Variants in LMNB1 observed in about 807,000 individuals in gnomAD.
The protein encoded by LMNB1 is lamin-B1.
In LMNB1, 23 loss-of-function variants were observed where a neutral mutation model predicts 67.1. The observed-to-expected ratio is 0.34, with a 90% CI of 0.25 to 0.49. The LOEUF (loss-of-function observed/expected upper bound fraction) is 0.49. Among genes scored for constraint, LMNB1 ranks in the 20% least tolerant of loss-of-function variants. LMNB1 has a pLI of 0.99. For synonymous variants in LMNB1, 281 were observed against 282.9 expected (o/e 0.99, Z 0.07); for missense variants, 634 against 746.5 (o/e 0.85, Z 1.76).
Position 126,825,983 on chromosome 5 carries a change from T to C in LMNB1, c.1492-5T>C. 1.2e-6 allele frequency: 2 copies of C among 1,613,626 alleles called. No individual in the cohort carries two copies. The highest frequency in any genetic ancestry group is 1.7e-6 in the Non-Finnish European group (2 of 1,179,834). On this transcript the variant is annotated splice_region_variant and splice_polypyrimidine_tract_variant and intron_variant, in intron 8 of 10. Coordinates refer to ENST00000261366, the MANE Select transcript of LMNB1 (RefSeq NM_005573.4). ...GGTGTACTGACATGCTTTGGTTTTTTACAGATTTGGGCTGCAAACGCTGGT... is the reference window on the plus strand; with the variant it reads ...GGTGTACTGACATGCTTTGGTTTTTCACAGATTTGGGCTGCAAACGCTGGT...
intron 9 of LMNB1, among the ~76,000 whole-genome samples, chr5:126,830,055 A>G (rs1752097714): frequency 6.6e-6 from 1 of 152,264 alleles, no homozygotes; most frequent in Non-Finnish European, 1.5e-5. Context: ...ATATGTAGAG[A>G]TGCAATATAT....
intron 8 of LMNB1, among the ~76,000 whole-genome samples, chr5:126,823,543 AAT>A (rs1561752806): frequency 6.6e-6 from 1 of 152,218 alleles, no homozygotes; most frequent in Non-Finnish European, 1.5e-5. Context: ...CTAACAATAA[AAT>A]ATGTTAACTT....
intron 1 of LMNB1, among the ~76,000 whole-genome samples, chr5:126,787,591 C>T (rs1472739815): frequency 8.9e-6 from 1 of 112,876 alleles, no homozygotes; most frequent in Non-Finnish European, 1.7e-5. Flanking sequence ...CCTGTTGTTG[C>T]CCAGGCTGGA....
intron 1 of LMNB1, among the ~76,000 whole-genome samples, chr5:126,789,009 C>T (rs1001457729): frequency 6.6e-6 from 1 of 151,848 alleles, no homozygotes; most frequent in Non-Finnish European, 1.5e-5. Context: ...GATCCTCCCA[C>T]CTCAGCCTCT....
At chr5:126,809,525 A>G (rs1323399646) in intron 3 of LMNB1, among the ~76,000 whole-genome samples, 2 of 152,120 alleles carry the variant, frequency 1.3e-5, no homozygotes, top group Admixed American at 6.5e-5. Flanking sequence ...CATCTCTACT[A>G]AAAATACAAA....
At chr5:126,787,533 TATATA>T (rs1252895483) in intron 1 of LMNB1, among the ~76,000 whole-genome samples, 8 of 100,218 alleles carry the variant, frequency 8.0e-5, no homozygotes, top group South Asian at 3.3e-4. Context: ...GGTATATATA[TATATA>T]TATATATATT....
chr5:126,832,642 G>A (rs962421766), intron 9 of LMNB1, 52 bp from the exon 10 acceptor site: 36 of 1,297,706 alleles, frequency 2.8e-5, no homozygotes, highest in Non-Finnish European at 3.5e-5. Context: ...CCTCTCCCCC[G>A]CATTTGGTGA....
At chr5:126,823,279 A>C (rs1049581149) in intron 8 of LMNB1, among the ~76,000 whole-genome samples, 2 of 152,178 alleles carry the variant, frequency 1.3e-5, no homozygotes, top group Non-Finnish European at 2.9e-5. Flanking sequence ...TTCAGGCCCT[A>C]CTTCACCCTT....
At chr5:126,801,473 G>A (rs1751285640) in intron 1 of LMNB1, among the ~76,000 whole-genome samples, 1 of 152,054 alleles carries the variant, frequency 6.6e-6, no homozygotes, top group African/African-American at 2.4e-5. Flanking sequence ...TTTTATGGAA[G>A]AAATCACCAT....
rs769694256 is a variant in LMNB1, at chr5:126,820,941, G to C, written c.1192G>C (p.Val398Leu). 2 of 1,613,788 alleles carry C rather than the reference G, an allele frequency of 1.2e-6. No homozygotes were observed. The highest frequency in any genetic ancestry group is 2.2e-5 in the South Asian group (2 of 91,062). ...LKLSPSPSSRVTVSRASSSRS... is the reference protein window; with the variant it reads ...LKLSPSPSSRLTVSRASSSRS... Reference sequence around the variant, plus strand: ...GCTGTCTCCAAGCCCTTCTTCCCGTGTGACAGTATCCCGAGCATCCTCAAG... The same window carrying C: ...GCTGTCTCCAAGCCCTTCTTCCCGTCTGACAGTATCCCGAGCATCCTCAAG... The change falls in exon 7 of 11, where the codon GTG becomes CTG. Residue 398 changes from valine (V) to leucine (L), a missense_variant. Transcript: ENST00000261366.
intron 10 of LMNB1, among the ~76,000 whole-genome samples, chr5:126,833,707 T>G (rs1221559833): frequency 3.9e-5 from 6 of 152,170 alleles, no homozygotes; most frequent in Admixed American, 1.3e-4. Flanking sequence ...TTACTAGAAG[T>G]AAAATAATTA....
At chr5:126,821,206 C>T in intron 7 of LMNB1, 71 bp downstream of exon 7, 1 of 994,168 alleles carries the variant, frequency 1.0e-6, no homozygotes, top group South Asian at 1.3e-5. Flanking sequence ...ATTGTCATAG[C>T]TCCTTAGTTT....
At chr5:126,806,640 G>T (rs376387235) in intron 3 of LMNB1, among the ~76,000 whole-genome samples, 4 of 152,086 alleles carry the variant, frequency 2.6e-5, no homozygotes, top group Non-Finnish European at 5.9e-5. Context: ...ACGAGAACAT[G>T]AATACATGCT....
At chr5:126,779,890 G>T (rs1750581185) in intron 1 of LMNB1, among the ~76,000 whole-genome samples, 1 of 152,222 alleles carries the variant, frequency 6.6e-6, no homozygotes, top group South Asian at 2.1e-4. Context: ...AAATTATCCA[G>T]ACGTGGTGGC....
upstream of LMNB1, chr5:126,777,127 C>A (rs886059856): frequency 5.9e-6 from 1 of 169,520 alleles, no homozygotes; most frequent in African/African-American, 2.4e-5. Flanking sequence ...CCTCCTCCCC[C>A]CGCCCGCCGC....
At position 126,797,906 on chromosome 5, in the gene LMNB1, T is replaced by C. The variant is rs182206602; in HGVS notation, c.360-6870T>C. ...GCCGGGGCAACATAGGAAAACCCTG[T>C]CTTCCCATCTGCCCCAGCAAAATAC... On this transcript the variant is annotated intron_variant, in intron 1 of 10. Coordinates refer to ENST00000261366, the MANE Select transcript of LMNB1 (RefSeq NM_005573.4). Among the ~76,000 whole-genome samples the C allele has an allele frequency of 5.3e-5, 8 of 152,114 alleles. No homozygotes were observed. In the East Asian group the frequency reaches 1.6e-3, roughly 29 times the overall value.
Position 126,804,859 on chromosome 5 carries a change from C to T in LMNB1, c.443C>T (p.Ala148Val), listed in dbSNP as rs1310980165. ...YEAALNSKDA[A>V]LATALGDKKS... is the part of the protein sequence containing the mutation. ...GCAGCACTGAATTCGAAAGATGCAGCTCTTGCTACTGCACTTGGTGACAAA... is the reference window on the plus strand; with the variant it reads ...GCAGCACTGAATTCGAAAGATGCAGTTCTTGCTACTGCACTTGGTGACAAA... Residue 148 changes from alanine (A) to valine (V), a missense_variant, in exon 2 of 11, where the codon GCT (alanine) becomes GTT (valine). Coordinates refer to ENST00000261366, the MANE Select transcript of LMNB1 (RefSeq NM_005573.4). 3.7e-6 allele frequency: 6 copies of T among 1,613,988 alleles called. No homozygotes were observed. The highest frequency in any genetic ancestry group is 5.1e-6 in the Non-Finnish European group (6 of 1,179,898).
chr5:126,810,074 G>A, intron 3 of LMNB1, 106 bp from the exon 4 acceptor site: 1 of 1,022,540 alleles, frequency 9.8e-7, no homozygotes, highest in Middle Eastern at 2.6e-4. Context: ...GGACAAACAG[G>A]AGGAAGTTCG....
In LMNB1 at chr5:126,820,896, T is replaced by C; in HGVS notation, c.1161-14T>C. ...TGTGTTTTAAAAATGAATTGTTTTA[T>C]TTTTCCCATATAGGTTGAAGCTGTC... On this transcript the variant is annotated splice_polypyrimidine_tract_variant and intron_variant, in intron 6 of 10. Coordinates refer to ENST00000261366, the MANE Select transcript of LMNB1 (RefSeq NM_005573.4). 6.3e-7 allele frequency: 1 copy of C among 1,596,182 alleles called. No homozygotes were observed. The highest frequency in any genetic ancestry group is 1.1e-5 in the South Asian group (1 of 90,490).
Sources: gnomAD v4.1 joint callset for allele counts (sites outside exome capture counted in the v4.1 genomes callset) on GRCh38, gnomAD v4.1.1 for gene constraint, MANE v1.5 for transcripts, NCBI Gene and HGNC (gene_info 2026-07-23, HGNC 2026-07-21) for gene names.